CD207: variants seen among roughly 807,000 people sequenced by gnomAD.
CD207 encodes C-type lectin domain family 4 member K.
CD207 carries 28 observed loss-of-function variants against 31.6 expected under a neutral mutation model. The observed-to-expected ratio is 0.89, with a 90% confidence interval of 0.66 to 1.21. The LOEUF is 1.21. Among genes scored for constraint, CD207 ranks in the 50% most tolerant of loss-of-function variants. CD207 has a pLI of 0.00. For synonymous variants in CD207, 168 were observed against 153.9 expected (o/e 1.09, Z -0.68); for missense variants, 388 against 397.8 (o/e 0.98, Z 0.21).
downstream of CD207, chr2:70,830,204 A>C (rs565215302): frequency 6.6e-6 from 1 of 152,348 alleles, no homozygotes; most frequent in African/African-American, 2.4e-5. Flanking sequence ...GAAAAAGTGC[A>C]CTTGGAGTGA....
In CD207 at chr2:70,833,893, G is replaced by A. The variant is rs371446596; in HGVS notation, c.318C>T (p.Gly106=). Residue 106 remains glycine (G), a synonymous_variant, in exon 3 of 6, where the codon GGC becomes GGT. Transcript: ENST00000410009. ...KKNSDGMEAA[G]VQIQMVNESL... ...TCTCATTCACCATCTGGATCTGAAC[G>A]CCAGCTGCCTCCATGCCGTCACTAT... 17 of 1,606,980 alleles carry A rather than the reference G, an allele frequency of 1.1e-5. No individual in the cohort carries two copies. The highest frequency in any genetic ancestry group is 1.0e-4 in the Admixed American group (6 of 59,468).
At chr2:70,824,748 A>C in the CD207 span, among the ~76,000 whole-genome samples, 13 of 151,592 alleles carry the variant, frequency 8.6e-5, no homozygotes, top group Middle Eastern at 3.4e-3. Flanking sequence ...AACAAATAAA[A>C]TAGTATTGGA....
intron 2 of CD207, among the ~76,000 whole-genome samples, chr2:70,835,264 C>G (rs782124761): frequency 2.0e-5 from 3 of 152,216 alleles, no homozygotes; most frequent in Non-Finnish European, 4.4e-5. Context: ...CACCAATGTG[C>G]AAATGCTAAT....
Position 70,830,591 on chromosome 2 carries a change from A to G in CD207, c.*459T>C, listed in dbSNP as rs1553399505. 1 of 156,042 alleles carries G rather than the reference A, an allele frequency of 6.4e-6. No individual in the cohort carries two copies. Among genetic ancestry groups the G allele is most frequent in the East Asian group, 1.9e-4 (1 of 5,356 alleles). 9.7% of individuals were successfully genotyped at this position (156,042 alleles called of 1,614,324 possible). Reference sequence around the variant, plus strand: ...ACAGAGCTATTTGCACTGCAAACACAGCCAGCTGCTAGCTGCCAGCACAGC... The same window carrying G: ...ACAGAGCTATTTGCACTGCAAACACGGCCAGCTGCTAGCTGCCAGCACAGC... On this transcript the variant is annotated 3_prime_UTR_variant, in exon 6 of 6. Coordinates refer to ENST00000410009, the MANE Select transcript of CD207 (RefSeq NM_015717.5).
At position 70,830,852 on chromosome 2, in the gene CD207, C is replaced by G; in HGVS notation, c.*198G>C. ...CCCCTCCCACTTTAACCTGAATTCTCCTTTCCATTCCAGCTGCCTCCAAGA... is the reference window on the plus strand; with the variant it reads ...CCCCTCCCACTTTAACCTGAATTCTGCTTTCCATTCCAGCTGCCTCCAAGA... On this transcript the variant is annotated 3_prime_UTR_variant, in exon 6 of 6. Transcript: ENST00000410009. The G allele has an allele frequency of 3.8e-6, 2 of 525,676 alleles. No homozygotes were observed. Among genetic ancestry groups the G allele is most frequent in the Non-Finnish European group, 6.8e-6 (2 of 296,234 alleles). The allele number at this position is 525,676 out of a possible 1,614,324, so 32.6% of individuals were successfully genotyped here. A position where few individuals can be genotyped will look rare whatever the true frequency, so the allele number is the denominator to read the frequency against.
downstream of CD207, among the ~76,000 whole-genome samples, chr2:70,827,025 C>A (rs549553044): frequency 6.6e-6 from 1 of 152,248 alleles, no homozygotes; most frequent in South Asian, 2.1e-4. Context: ...GCTGCCTGTC[C>A]CCTGCTTCAC....
intron 2 of CD207, 57 bp from the exon 3 acceptor site, chr2:70,834,077 G>A (rs1677547570): frequency 1.4e-6 from 2 of 1,416,186 alleles, no homozygotes; most frequent in South Asian, 1.8e-5. Context: ...CAGGAGTGGG[G>A]GTGTTGTCAG....
rs1328870014 is a variant in CD207 at position 70,833,057 on chromosome 2, G to C, written c.566-6C>G. On this transcript the variant is annotated splice_polypyrimidine_tract_variant and splice_region_variant and intron_variant, in intron 3 of 5. Coordinates refer to ENST00000410009, the MANE Select transcript of CD207 (RefSeq NM_015717.5). Reference sequence around the variant, plus strand: ...AACCACCTGTAGAATATCATCTAGAGAACAAGAGGTAAAAGTGAACGCTGG... The same window carrying C: ...AACCACCTGTAGAATATCATCTAGACAACAAGAGGTAAAAGTGAACGCTGG... 6.2e-7 allele frequency: 1 copy of C among 1,613,714 alleles called. No homozygotes were observed. The highest frequency in any genetic ancestry group is 1.3e-5 in the African/African-American group (1 of 74,928).
In CD207 at chr2:70,833,159, T is replaced by G. The variant is rs184736986; in HGVS notation, c.566-108A>C. 2.2e-4 allele frequency: 223 copies of G among 1,014,998 alleles called. No individual in the cohort carries two copies. The African/African-American group carries it at 3.2e-3, about 15-fold the overall frequency. 62.9% of individuals were successfully genotyped at this position (1,014,998 alleles called of 1,614,324 possible). A position where few individuals can be genotyped will look rare whatever the true frequency, so the allele number is the denominator to read the frequency against. On this transcript the variant is annotated intron_variant, in intron 3 of 5. Coordinates refer to ENST00000410009, the MANE Select transcript of CD207 (RefSeq NM_015717.5). ...TCAGAGACAGCAGCAAATGGAGCTG[T>G]GCGCTGGTGTCCTTGGGTCCTTGTA...
downstream of CD207, among the ~76,000 whole-genome samples, chr2:70,826,066 T>C (rs570514617): frequency 3.9e-5 from 6 of 152,144 alleles, no homozygotes; most frequent in Admixed American, 2.0e-4. Flanking sequence ...GAGGATTGGT[T>C]AAACCCAGGA....
chr2:70,832,782 C>T, intron 4 of CD207, 118 bp downstream of exon 4: 1 of 1,034,114 alleles, frequency 9.7e-7, no homozygotes, highest in Non-Finnish European at 1.4e-6. Context: ...AGAACCAATC[C>T]TTCTTCATTA....
At chr2:70,825,360 A>G (rs1553398754), downstream of CD207, among the ~76,000 whole-genome samples, 1 of 152,196 alleles carries the variant, frequency 6.6e-6, no homozygotes, top group Non-Finnish European at 1.5e-5. Flanking sequence ...GGGGAAAACC[A>G]ACGAAATCTG....
Position 70,834,311 on chromosome 2 carries a change from C to T in CD207, c.191-291G>A, listed in dbSNP as rs781818915. Among the ~76,000 whole-genome samples, 10 of 152,024 alleles carry T rather than the reference C, an allele frequency of 6.6e-5. 1 individual carries two copies. The highest frequency in any genetic ancestry group is 4.4e-5 in the Non-Finnish European group (3 of 68,012). On this transcript the variant is annotated intron_variant, in intron 2 of 5. Coordinates refer to ENST00000410009, the MANE Select transcript of CD207 (RefSeq NM_015717.5). The stretch of plus-strand genomic sequence containing the variant: ...GCAAGCAGAAGCAGGAGTTAGAAAC[C>T]ATTCCTGAATTTTCTGAGTGTTCAG...
chr2:70,833,712 A>C lies in CD207; in HGVS notation c.499T>G (p.Leu167Val), dbSNP rs782623258. The C allele has an allele frequency of 1.9e-6, 3 of 1,613,934 alleles. No individual in the cohort carries two copies. In the South Asian group the frequency reaches 3.3e-5, roughly 18 times the overall value. Reference sequence around the variant, plus strand: ...TGGAGTGCCCGGATCTTTGTATTTAAAGCACTGGCTTTCTCCAAATCACTT... The same window carrying C: ...TGGAGTGCCCGGATCTTTGTATTTACAGCACTGGCTTTCTCCAAATCACTT... ...LKSDLEKASA[L>V]NTKIRALQGS... The change falls in exon 3 of 6, where the codon TTA becomes GTA. Residue 167 changes from leucine to valine, a missense_variant. Coordinates refer to ENST00000410009, the MANE Select transcript of CD207 (RefSeq NM_015717.5).
intron 2 of CD207, among the ~76,000 whole-genome samples, chr2:70,834,416 G>A (rs1313408056): frequency 1.3e-5 from 2 of 151,874 alleles, no homozygotes; most frequent in African/African-American, 2.4e-5. Context: ...CCACCCCTTG[G>A]TTGCCATCCC....
Position 70,835,807 on chromosome 2 carries a change from A to G in CD207, c.-31T>C. On this transcript the variant is annotated 5_prime_UTR_variant, in exon 1 of 6. Coordinates refer to ENST00000410009, the MANE Select transcript of CD207 (RefSeq NM_015717.5). Reference sequence around the variant, plus strand: ...GTGCTCACCCTTATCCTGGGAGCACAGGTGCTTCTGGCTGCCTGTCTCTCC... The same window carrying G: ...GTGCTCACCCTTATCCTGGGAGCACGGGTGCTTCTGGCTGCCTGTCTCTCC... 1.3e-6 allele frequency: 2 copies of G among 1,565,180 alleles called. No homozygotes were observed. Among genetic ancestry groups the G allele is most frequent in the African/African-American group, 1.3e-5 (1 of 74,076 alleles).
chr2:70,830,637 C>G lies in CD207; in HGVS notation c.*413G>C. On this transcript the variant is annotated 3_prime_UTR_variant, in exon 6 of 6. Coordinates refer to ENST00000410009, the MANE Select transcript of CD207 (RefSeq NM_015717.5). ...ACAGCTAAGCAGAGACATGGAAATT[C>G]TAGGGGGTTTGGCCAAGAAAAGCCC... 1 of 161,098 alleles carries G rather than the reference C, an allele frequency of 6.2e-6. No homozygotes were observed. Among genetic ancestry groups the G allele is most frequent in the Non-Finnish European group, 1.4e-5 (1 of 73,626 alleles). The allele number at this position is 161,098 out of a possible 1,614,324, so 10.0% of individuals were successfully genotyped here. A position where few individuals can be genotyped will look rare whatever the true frequency, so the allele number is the denominator to read the frequency against.
chr2:70,828,513 C>T (rs1677397118), downstream of CD207, among the ~76,000 whole-genome samples: 1 of 152,180 alleles, frequency 6.6e-6, no homozygotes, highest in Non-Finnish European at 1.5e-5. Context: ...CGTAAGGTCC[C>T]CATGCACAGA....
downstream of CD207, among the ~76,000 whole-genome samples, chr2:70,829,064 T>G (rs1323126270): frequency 1.3e-5 from 2 of 152,186 alleles, no homozygotes; most frequent in Non-Finnish European, 2.9e-5. Context: ...ACTCAGTGCC[T>G]TCCAGCTCAA....
Sources: gnomAD v4.1 joint callset for allele counts (sites outside exome capture counted in the v4.1 genomes callset) on GRCh38, gnomAD v4.1.1 for gene constraint, MANE v1.5 for transcripts, NCBI Gene and HGNC (gene_info 2026-07-23, HGNC 2026-07-21) for gene names.